Variants in HDAC9 observed in about 807,000 individuals in gnomAD.
HDAC9 encodes MEF-2 interacting transcription repressor (MITR) protein.
HDAC9 carries 41 observed loss-of-function variants against 139.4 expected under a neutral mutation model. The ratio of observed to expected loss-of-function variants is 0.29; its 90% CI spans 0.23 to 0.38. HDAC9 has a LOEUF of 0.38. Ranked by LOEUF, HDAC9 falls within the 10% of genes least tolerant of loss-of-function variation. The pLI is 1.00. For synonymous variants in HDAC9, 517 were observed against 476.2 expected (o/e 1.09, Z -1.12); for missense variants, 1,147 against 1,297.0 (o/e 0.88, Z 1.78).
intron 1 of HDAC9, among the ~76,000 whole-genome samples, chr7:18,389,597 G>T (rs1786266440): frequency 1.3e-5 from 2 of 152,174 alleles, no homozygotes; most frequent in Non-Finnish European, 1.5e-5. Flanking sequence ...GGGAGGCTGG[G>T]TTGTATATGG....
At chr7:18,287,082 G>A (rs1797498811), upstream of HDAC9, among the ~76,000 whole-genome samples, 1 of 152,126 alleles carries the variant, frequency 6.6e-6, no homozygotes, top group Non-Finnish European at 1.5e-5. Flanking sequence ...GCAGAACTGG[G>A]TATTTGAAAG....
At chr7:18,509,330 G>A in intron 2 of HDAC9, 3 of 985,434 alleles carry the variant, frequency 3.0e-6, no homozygotes, top group South Asian at 9.4e-5. Context: ...ATGGGTAGGT[G>A]GGAGAACCAG....
At chr7:18,579,079 C>T (rs1826956959) in intron 2 of HDAC9, among the ~76,000 whole-genome samples, 1 of 152,176 alleles carries the variant, frequency 6.6e-6, no homozygotes, top group Admixed American at 6.5e-5. Context: ...AGCATCAGTG[C>T]ACATCTTGGT....
chr7:18,904,888 T>C (rs1053832032), intron 22 of HDAC9, among the ~76,000 whole-genome samples: 1 of 151,580 alleles, frequency 6.6e-6, no homozygotes, highest in Non-Finnish European at 1.5e-5. Context: ...TCTTTTCTTT[T>C]TTTTAACTAG....
chr7:18,272,088 T>C (rs74417058), intron 2 of HDAC9, among the ~76,000 whole-genome samples: 3,666 of 152,296 alleles, frequency 0.024, 69 homozygotes, highest in Middle Eastern at 0.037. Context: ...GTTTTGGAAA[T>C]GTGAATTTTA....
At chr7:18,978,337 G>A (rs1183630083) in intron 25 of HDAC9, among the ~76,000 whole-genome samples, 1 of 152,098 alleles carries the variant, frequency 6.6e-6, no homozygotes, top group East Asian at 1.9e-4. Flanking sequence ...GTGAATAAGG[G>A]ATAAAATGCT....
chr7:18,564,832 C>G (rs1350965480), intron 2 of HDAC9, among the ~76,000 whole-genome samples: 1 of 151,974 alleles, frequency 6.6e-6, no homozygotes, highest in East Asian at 1.9e-4. Context: ...TTATTTTAAG[C>G]TCATCTTTGG....
In HDAC9 at chr7:18,353,209, A is replaced by G. The variant is rs535705488; in HGVS notation, c.-42+62694A>G. On this transcript the variant is annotated intron_variant, in intron 1 of 3. Coordinates refer to the HDAC9 transcript ENST00000413509. ...CACTATCTAGCTATTGTACAAAGAA[A>G]CTTCTTTATAAAGTAAGACATGGGA... 6.6e-5 allele frequency among the ~76,000 whole-genome samples: 10 copies of G among 152,242 alleles called. No individual in the cohort carries two copies. The South Asian group carries it at 1.7e-3, about 25-fold the overall frequency.
chr7:18,396,117 C>CCCTTCCCTTCCCTTCCTTCTTT (rs1585605825), intron 1 of HDAC9, among the ~76,000 whole-genome samples: 1 of 124,508 alleles, frequency 8.0e-6, no homozygotes, highest in African/African-American at 3.0e-5. Flanking sequence ...CCCTTCCCTT[C>CCCTTCCCTTCCCTTCCTTCTTT]CCTTCCCTTC....
At chr7:18,521,417 A>T (rs1275705112) in intron 2 of HDAC9, among the ~76,000 whole-genome samples, 1 of 152,180 alleles carries the variant, frequency 6.6e-6, no homozygotes, top group Non-Finnish European at 1.5e-5. Context: ...ACTTAACCAG[A>T]TGCCTTGCGA....
chr7:18,487,306 A>G (rs1796043129), intron 1 of HDAC9, among the ~76,000 whole-genome samples: 1 of 152,076 alleles, frequency 6.6e-6, no homozygotes, highest in Admixed American at 6.6e-5. Context: ...ATGAAAAAGA[A>G]TTTCCCAAAT....
intron 2 of HDAC9, among the ~76,000 whole-genome samples, chr7:18,547,525 A>G (rs573217609): frequency 1.2e-4 from 19 of 152,302 alleles, no homozygotes; most frequent in East Asian, 3.9e-4. Flanking sequence ...GTGAGCCACC[A>G]TGCCCGGCCG....
At chr7:18,933,112 G>T (rs1359770087) in intron 22 of HDAC9, among the ~76,000 whole-genome samples, 1 of 152,106 alleles carries the variant, frequency 6.6e-6, no homozygotes, top group Non-Finnish European at 1.5e-5. Context: ...CTTAGTTCAG[G>T]CTGCTGTATC....
chr7:18,813,923 C>A (rs1794376813), intron 17 of HDAC9, among the ~76,000 whole-genome samples: 1 of 152,202 alleles, frequency 6.6e-6, no homozygotes, highest in Non-Finnish European at 1.5e-5. Flanking sequence ...CCATTTCCTT[C>A]TAGGATGTTA....
At chr7:18,771,276 G>T (rs148807120) in intron 16 of HDAC9, among the ~76,000 whole-genome samples, 1 of 152,020 alleles carries the variant, frequency 6.6e-6, no homozygotes, top group African/African-American at 2.4e-5. Flanking sequence ...ATTCTGTTTG[G>T]TTACACCTAG....
intron 13 of HDAC9, among the ~76,000 whole-genome samples, chr7:18,745,748 T>G (rs920018382): frequency 3.3e-5 from 5 of 151,482 alleles, no homozygotes; most frequent in African/African-American, 1.2e-4. Flanking sequence ...GGGTTTCACC[T>G]TGTTAGCCAG....
At chr7:18,116,688 C>G (rs1457698660) in intron 1 of HDAC9, among the ~76,000 whole-genome samples, 1 of 151,824 alleles carries the variant, frequency 6.6e-6, no homozygotes, top group African/African-American at 2.4e-5. Context: ...TAAATCAACT[C>G]TATTATTCTA....
At chr7:18,201,983 G>A (rs537080980) in intron 2 of HDAC9, among the ~76,000 whole-genome samples, 1 of 152,178 alleles carries the variant, frequency 6.6e-6, no homozygotes, top group Admixed American at 6.5e-5. Context: ...AATTTTTCCT[G>A]TTCTCTCCTG....
intron 17 of HDAC9, among the ~76,000 whole-genome samples, chr7:18,813,072 A>C (rs1400147839): frequency 6.6e-6 from 1 of 152,058 alleles, no homozygotes; most frequent in African/African-American, 2.4e-5. Flanking sequence ...ATTGTTTGAC[A>C]TGCTTATAAT....
Sources: allele counts gnomAD v4.1 joint callset (sites outside exome capture counted in the v4.1 genomes callset), GRCh38; gene constraint gnomAD v4.1.1; transcripts MANE v1.5; gene names NCBI Gene and HGNC (gene_info 2026-07-23, HGNC 2026-07-21).